The following PARD3B variants were observed in gnomAD, a reference collection of about 807,000 sequenced individuals.
PARD3B encodes the protein partitioning defective 3 homolog B.
PARD3B carries 103 observed loss-of-function variants against 130.2 expected under a neutral mutation model. That is an observed-to-expected ratio of 0.79 (90% confidence interval 0.67 to 0.93). The LOEUF is 0.93. PARD3B is among the 40% of genes least tolerant of loss of function. PARD3B has a pLI of 0.00. For synonymous variants in PARD3B, 583 were observed against 553.2 expected, an observed-to-expected ratio of 1.05 and a Z score of -0.76; for missense variants, 1,609 against 1,499.2, an observed-to-expected ratio of 1.07 and a Z score of -1.21.
intron 16 of PARD3B, among the ~76,000 whole-genome samples, chr2:205,273,453 G>C (rs1342541811): frequency 6.6e-6 from 1 of 152,230 alleles, no homozygotes; most frequent in African/African-American, 2.4e-5. Flanking sequence ...ATCAGCTGCT[G>C]TGGAGGGCCT....
chr2:205,119,166 C>T, intron 7 of PARD3B, 120 bp downstream of exon 7: 1 of 1,280,668 alleles, frequency 7.8e-7, no homozygotes, highest in Non-Finnish European at 1.0e-6. Flanking sequence ...TTTGAACGAT[C>T]CAGGATATCC....
At chr2:205,451,396 A>T (rs1454866181) in intron 20 of PARD3B, among the ~76,000 whole-genome samples, 1 of 152,198 alleles carries the variant, frequency 6.6e-6, no homozygotes, top group Non-Finnish European at 1.5e-5. Context: ...TTTCCAGTAA[A>T]CAAAGTCAAG....
intron 2 of PARD3B, among the ~76,000 whole-genome samples, chr2:204,837,848 A>T (rs1250631245): frequency 1.3e-5 from 2 of 152,110 alleles, no homozygotes; most frequent in Non-Finnish European, 2.9e-5. Context: ...GCTCTATGAG[A>T]TAACCCATCA....
At chr2:205,368,100 A>G (rs1165619890) in intron 18 of PARD3B, among the ~76,000 whole-genome samples, 1 of 152,204 alleles carries the variant, frequency 6.6e-6, no homozygotes, top group Non-Finnish European at 1.5e-5. Flanking sequence ...TTAAAATTCA[A>G]AAGTTTGAAG....
intron 1 of PARD3B, among the ~76,000 whole-genome samples, chr2:204,679,500 C>G (rs751423153): frequency 2.0e-5 from 3 of 152,116 alleles, no homozygotes; most frequent in African/African-American, 4.8e-5. Context: ...TAACCCCAGT[C>G]AATTTGGACA....
chr2:205,077,654 A>C (rs1701150509), intron 4 of PARD3B, among the ~76,000 whole-genome samples: 1 of 152,160 alleles, frequency 6.6e-6, no homozygotes, highest in African/African-American at 2.4e-5. Flanking sequence ...AGGAAATTTA[A>C]ACCTATGCAA....
intron 22 of PARD3B, among the ~76,000 whole-genome samples, chr2:205,580,754 A>G (rs2053933604): frequency 6.6e-6 from 1 of 152,172 alleles, no homozygotes; most frequent in African/African-American, 2.4e-5. Flanking sequence ...CCTCTGTTTC[A>G]ACCATTCTAC....
intron 1 of PARD3B, among the ~76,000 whole-genome samples, chr2:204,581,539 G>A (rs1191772995): frequency 6.6e-6 from 1 of 152,102 alleles, no homozygotes; most frequent in Non-Finnish European, 1.5e-5. Context: ...GAGAAGAGCA[G>A]AAAACAGAAA....
chr2:205,414,211 C>A (rs971423341), intron 19 of PARD3B, among the ~76,000 whole-genome samples: 3 of 152,172 alleles, frequency 2.0e-5, no homozygotes, highest in Non-Finnish European at 4.4e-5. Context: ...GAGTCCATAT[C>A]ATAATTACAT....
In PARD3B at chr2:205,021,428, G is replaced by A. The variant is rs1010156956; in HGVS notation, c.395-26153G>A. On this transcript the variant is annotated intron_variant, in intron 3 of 22. Transcript: ENST00000406610. The surrounding 1 kb of genome is among the most constrained non-coding windows in gnomAD (Gnocchi z 4.5). The stretch of plus-strand genomic sequence containing the variant: ...TGCATTGGGACCACAGGTTATGGTG[G>A]CTCACATTTTAGGATTGACTTCCCA... Among the ~76,000 whole-genome samples, 3 of 152,090 alleles carry A rather than the reference G, an allele frequency of 2.0e-5. No homozygotes were observed. Among genetic ancestry groups the A allele is most frequent in the Admixed American group, 2.0e-4 (3 of 15,256 alleles).
chr2:205,450,472 T>TTTTTG, intron 20 of PARD3B, among the ~76,000 whole-genome samples: 1 of 139,202 alleles, frequency 7.2e-6, no homozygotes, highest in African/African-American at 2.8e-5. Flanking sequence ...GATTCTTTTT[T>TTTTTG]TTTTTTTTTT....
Position 205,061,952 on chromosome 2 carries a change from C to T in PARD3B, c.504+14262C>T, listed in dbSNP as rs147580053. Among the ~76,000 whole-genome samples, 286 of 152,050 alleles carry T rather than the reference C, an allele frequency of 1.9e-3. 1 individual carries two copies. The highest frequency in any genetic ancestry group is 4.7e-3 in the Admixed American group (72 of 15,244). ...AAACCTAGAAGGAAACAGGAAAGGA[C>T]GGATTATTAAGCAACAAGCCAGTTT... On this transcript the variant is annotated intron_variant, in intron 4 of 22. Coordinates refer to ENST00000406610, the MANE Select transcript of PARD3B (RefSeq NM_001302769.2).
chr2:204,944,363 G>T (rs1189471075), intron 2 of PARD3B, among the ~76,000 whole-genome samples: 1 of 152,164 alleles, frequency 6.6e-6, no homozygotes, highest in Non-Finnish European at 1.5e-5. Flanking sequence ...CTGTCCCCCA[G>T]CTCCCGCTAG....
intron 10 of PARD3B, among the ~76,000 whole-genome samples, chr2:205,143,641 A>G (rs2033142942): frequency 6.6e-6 from 1 of 152,202 alleles, no homozygotes; most frequent in Non-Finnish European, 1.5e-5. Context: ...ACTGAGGAAG[A>G]GTAATGTGAA....
chr2:204,584,956 C>T (rs997928732), intron 1 of PARD3B, among the ~76,000 whole-genome samples: 3 of 152,132 alleles, frequency 2.0e-5, no homozygotes, highest in Admixed American at 1.3e-4. Context: ...CTGCATCATC[C>T]GTAGGGTTGG....
chr2:204,941,427 A>G (rs564179891), intron 2 of PARD3B, among the ~76,000 whole-genome samples: 1 of 152,358 alleles, frequency 6.6e-6, no homozygotes, highest in Admixed American at 6.5e-5. Flanking sequence ...ATGCCCTGAT[A>G]ACATAATTAA....
chr2:205,212,912 C>T (rs575656022), intron 15 of PARD3B, among the ~76,000 whole-genome samples: 3 of 152,148 alleles, frequency 2.0e-5, no homozygotes, highest in Non-Finnish European at 2.9e-5. Context: ...ATCTTCATAG[C>T]TGTATGTCAG....
At chr2:205,554,490 C>T (rs994244972) in intron 22 of PARD3B, among the ~76,000 whole-genome samples, 2 of 152,156 alleles carry the variant, frequency 1.3e-5, no homozygotes, top group African/African-American at 4.8e-5. Flanking sequence ...ACCCAAAATA[C>T]AATATTTTAA....
Position 204,996,794 on chromosome 2 carries a change from T to C in PARD3B, c.394+31471T>C, listed in dbSNP as rs1018628785. Among the ~76,000 whole-genome samples the C allele has an allele frequency of 7.4e-5, 11 of 148,372 alleles. No individual in the cohort carries two copies. The South Asian group carries it at 9.1e-4, about 12-fold the overall frequency. Reference sequence around the variant, plus strand: ...GATATAGTCTCGTGGTGCGCCGTTTTTTAAGCCGGTCTGAAAAGCGCAATA... The same window carrying C: ...GATATAGTCTCGTGGTGCGCCGTTTCTTAAGCCGGTCTGAAAAGCGCAATA... On this transcript the variant is annotated intron_variant, in intron 3 of 22. Transcript: ENST00000406610.
Sources: allele counts gnomAD v4.1 joint callset (sites outside exome capture counted in the v4.1 genomes callset), GRCh38; gene constraint gnomAD v4.1.1; non-coding constraint Gnocchi (gnomAD v3.1); transcripts MANE v1.5; gene names NCBI Gene and HGNC (gene_info 2026-07-23, HGNC 2026-07-21).